CTXND1: variants seen among roughly 807,000 people sequenced by gnomAD.
The protein encoded by CTXND1 is cortexin domain-containing 1 protein.
chr15:80,197,786 A>G lies in CTXND1; in HGVS notation c.*3984T>C, dbSNP rs1268248025. 1 of 152,254 alleles carries G rather than the reference A, an allele frequency of 6.6e-6. No homozygotes were observed. The highest frequency in any genetic ancestry group is 6.5e-5 in the Admixed American group (1 of 15,284). The allele number at this position is 152,254 out of a possible 1,614,324, so 9.4% of individuals were successfully genotyped here. A position where few individuals can be genotyped will look rare whatever the true frequency, so the allele number is the denominator to read the frequency against. On this transcript the variant is annotated 3_prime_UTR_variant, in exon 3 of 3. Coordinates refer to ENST00000560778, the MANE Select transcript of CTXND1 (RefSeq NM_001352888.2). ...AGGGGGTATGAAACCACACTAGTGGACACACCAAACTTTGTAGTTCTCTTC... is the reference window on the plus strand; with the variant it reads ...AGGGGGTATGAAACCACACTAGTGGGCACACCAAACTTTGTAGTTCTCTTC...
intron 1 of CTXND1, among the ~76,000 whole-genome samples, chr15:80,222,779 A>G (rs1893331728): frequency 2.0e-5 from 3 of 152,022 alleles, no homozygotes; most frequent in Admixed American, 6.5e-5. Flanking sequence ...TTAAAAAATT[A>G]TTTCTTTGTT....
intron 1 of CTXND1, among the ~76,000 whole-genome samples, chr15:80,243,368 G>A (rs12917584): frequency 0.55 from 83,203 of 152,028 alleles, 23,277 homozygotes; most frequent in East Asian, 0.65. Context: ...CCCTTTGCCA[G>A]TTGTCACCTT....
chr15:80,203,954 G>C (rs1368375372), intron 1 of CTXND1, among the ~76,000 whole-genome samples: 2 of 150,972 alleles, frequency 1.3e-5, no homozygotes, highest in East Asian at 3.9e-4. Context: ...AGGATTGCTT[G>C]AGCTCAGGAG....
rs1057415900 is a variant in CTXND1 at position 80,223,012 on chromosome 15, T to C, written c.-217-19272A>G. 3.9e-5 allele frequency among the ~76,000 whole-genome samples: 6 copies of C among 152,354 alleles called. No individual in the cohort carries two copies. The South Asian group carries it at 1.2e-3, about 32-fold the overall frequency. On this transcript the variant is annotated intron_variant, in intron 1 of 2. Transcript: ENST00000560778. ...TTCATATAAATGGAATCATACAGAA[T>C]GTTTTCTTTTGTGTCTGGCTTCTTT...
intron 1 of CTXND1, among the ~76,000 whole-genome samples, chr15:80,250,887 T>C (rs1893685549): frequency 6.6e-6 from 1 of 152,184 alleles, no homozygotes; most frequent in African/African-American, 2.4e-5. Flanking sequence ...AGATGTGGCT[T>C]AATGAGGGTG....
chr15:80,221,491 G>A (rs12913384), intron 1 of CTXND1, among the ~76,000 whole-genome samples: 1 of 152,138 alleles, frequency 6.6e-6, no homozygotes. Context: ...GCTGAGATGG[G>A]AGGATCACTA....
intron 1 of CTXND1, among the ~76,000 whole-genome samples, chr15:80,210,840 C>T (rs374206298): frequency 6.6e-6 from 1 of 152,212 alleles, no homozygotes; most frequent in Non-Finnish European, 1.5e-5. Context: ...GGCTGCTCCC[C>T]AGGGCTCTCT....
At chr15:80,206,118 C>T (rs1480508267) in intron 1 of CTXND1, among the ~76,000 whole-genome samples, 2 of 151,968 alleles carry the variant, frequency 1.3e-5, no homozygotes, top group African/African-American at 4.8e-5. Context: ...TCATAGTTAC[C>T]CACCTATCCA....
At chr15:80,217,196 A>G (rs1174084693) in intron 1 of CTXND1, among the ~76,000 whole-genome samples, 1 of 152,168 alleles carries the variant, frequency 6.6e-6, no homozygotes, top group Non-Finnish European at 1.5e-5. Flanking sequence ...TGGGTTGAAT[A>G]GCAACATATC....
chr15:80,227,049 A>T (rs1893379597), intron 1 of CTXND1, among the ~76,000 whole-genome samples: 1 of 152,104 alleles, frequency 6.6e-6, no homozygotes, highest in Admixed American at 6.5e-5. Context: ...ATTGAGTTTT[A>T]TTGAGTGCAC....
chr15:80,216,187 G>A (rs923441707), intron 1 of CTXND1, among the ~76,000 whole-genome samples: 2 of 152,122 alleles, frequency 1.3e-5, no homozygotes, highest in East Asian at 1.9e-4. Context: ...GGGCTGGGGC[G>A]GCACCAAGCT....
chr15:80,219,053 T>C (rs1232149396), intron 1 of CTXND1, among the ~76,000 whole-genome samples: 2 of 150,058 alleles, frequency 1.3e-5, no homozygotes, highest in African/African-American at 4.9e-5. Context: ...CCACTCAGTG[T>C]CCGTAGTAGC....
At position 80,201,924 on chromosome 15, in the gene CTXND1, A is replaced by G. The variant is rs2041451748; in HGVS notation, c.26T>C (p.Val9Ala). The change falls in exon 3 of 3, where the codon GTC (valine) becomes GCC (alanine). Residue 9 changes from valine to alanine, a missense_variant. Transcript: ENST00000560778. The part of the protein sequence containing the change: MEEPTPEP[V>A]YVDVDKGLTL... ...CAGCCCTTTGTCTACGTCGACATAGACGGGCTCGGGCGTGGGCTCCTCCAT... is the reference window on the plus strand; with the variant it reads ...CAGCCCTTTGTCTACGTCGACATAGGCGGGCTCGGGCGTGGGCTCCTCCAT... 2.5e-6 allele frequency: 1 copy of G among 398,814 alleles called. No individual in the cohort carries two copies. The highest frequency in any genetic ancestry group is 3.6e-5 in the East Asian group (1 of 28,082). The allele number at this position is 398,814 out of a possible 1,614,324, so 24.7% of individuals were successfully genotyped here.
chr15:80,219,270 T>C (rs1893287152), intron 1 of CTXND1, among the ~76,000 whole-genome samples: 1 of 152,120 alleles, frequency 6.6e-6, no homozygotes, highest in Admixed American at 6.5e-5. Flanking sequence ...TTTAAAACTT[T>C]AAATATTATT....
intron 1 of CTXND1, among the ~76,000 whole-genome samples, chr15:80,229,610 T>C (rs1337787213): frequency 6.6e-6 from 1 of 152,220 alleles, no homozygotes; most frequent in Non-Finnish European, 1.5e-5. Flanking sequence ...CTCTGTGATT[T>C]TGATACTCTG....
intron 1 of CTXND1, among the ~76,000 whole-genome samples, chr15:80,233,157 T>G (rs889423221): frequency 1.3e-5 from 2 of 152,000 alleles, no homozygotes; most frequent in Non-Finnish European, 2.9e-5. Context: ...GCCAGGCTGG[T>G]CTTCAACTCC....
chr15:80,204,901 C>A (rs1893132866), intron 1 of CTXND1, among the ~76,000 whole-genome samples: 1 of 152,064 alleles, frequency 6.6e-6, no homozygotes, highest in Non-Finnish European at 1.5e-5. Flanking sequence ...AATAGTTGTA[C>A]ACTTTTCAAA....
At chr15:80,250,388 C>A (rs1283127324) in intron 1 of CTXND1, among the ~76,000 whole-genome samples, 1 of 151,912 alleles carries the variant, frequency 6.6e-6, no homozygotes, top group East Asian at 1.9e-4. Context: ...AACTCCTATT[C>A]TGCCATAACT....
chr15:80,249,155 G>T (rs2141467886), intron 1 of CTXND1, among the ~76,000 whole-genome samples: 1 of 152,188 alleles, frequency 6.6e-6, no homozygotes, highest in East Asian at 1.9e-4. Flanking sequence ...TTCTCACTCT[G>T]TTGCCTAGGC....
Sources: allele counts gnomAD v4.1 joint callset (sites outside exome capture counted in the v4.1 genomes callset), GRCh38; gene constraint gnomAD v4.1.1; transcripts MANE v1.5; gene names NCBI Gene and HGNC (gene_info 2026-07-23, HGNC 2026-07-21).